The following COL5A1 variants were observed in gnomAD, a reference collection of about 807,000 sequenced individuals.
The protein encoded by COL5A1 is collagen type V alpha 1 chain.
A neutral mutation model predicts 263.7 loss-of-function variants in COL5A1; 16 were observed. The ratio of observed to expected loss-of-function variants is 0.06; its 90% CI spans 0.04 to 0.09. The LOEUF (loss-of-function observed/expected upper bound fraction) is 0.09. Among genes scored for constraint, COL5A1 ranks in the 10% least tolerant of loss-of-function variants. The probability of loss-of-function intolerance (pLI) is 1.00; values close to 1 mark genes in which losing one functional copy is unlikely to be tolerated. For synonymous variants in COL5A1, 1,012 were observed against 1,004.5 expected, an observed-to-expected ratio of 1.01 and a Z score of -0.14; for missense variants, 2,036 against 2,540.5, an observed-to-expected ratio of 0.80 and a Z score of 4.27.
Position 134,765,741 on chromosome 9 carries a change from C to T in COL5A1, c.2088+7C>T. On this transcript the variant is annotated splice_region_variant and intron_variant, in intron 21 of 65. Coordinates refer to ENST00000371817, the MANE Select transcript of COL5A1 (RefSeq NM_000093.5). The surrounding 1 kb of genome is among the most constrained non-coding windows in gnomAD (Gnocchi z 5.1). Reference sequence around the variant, plus strand: ...AGGTCCTCCCGGACCTCCCGTAAGTCCCATTACCGCCCTGCTTGTCTGCCC... The same window carrying T: ...AGGTCCTCCCGGACCTCCCGTAAGTTCCATTACCGCCCTGCTTGTCTGCCC... 6.2e-7 allele frequency: 1 copy of T among 1,611,708 alleles called. No individual in the cohort carries two copies. The highest frequency in any genetic ancestry group is 8.5e-7 in the Non-Finnish European group (1 of 1,178,500).
intron 11 of COL5A1, among the ~76,000 whole-genome samples, chr9:134,739,329 A>G (rs1835218929): frequency 6.6e-6 from 1 of 152,186 alleles, no homozygotes; most frequent in African/African-American, 2.4e-5. Context: ...GGGCGCTCCA[A>G]GTACTGCGGC....
At chr9:134,717,166 G>A (rs78936854) in intron 4 of COL5A1, among the ~76,000 whole-genome samples, 2,059 of 152,244 alleles carry the variant, frequency 0.014, 38 homozygotes, top group African/African-American at 0.043. Context: ...CGTGCGCAGC[G>A]CTAAGGACGT....
intron 11 of COL5A1, among the ~76,000 whole-genome samples, chr9:134,747,986 C>G (rs1014592973): frequency 6.6e-6 from 1 of 151,488 alleles, no homozygotes; most frequent in Non-Finnish European, 1.5e-5. Context: ...CACACACATG[C>G]ATTCACACAC....
intron 62 of COL5A1, among the ~76,000 whole-genome samples, chr9:134,825,494 T>G (rs1839228249): frequency 6.6e-6 from 1 of 152,170 alleles, no homozygotes; most frequent in African/African-American, 2.4e-5. Flanking sequence ...GAACCCTCTC[T>G]GCATTTCTGT....
chr9:134,754,308 C>A lies in COL5A1; in HGVS notation c.1809C>A (p.Ala603=). The A allele has an allele frequency of 6.2e-7, 1 of 1,614,066 alleles. No homozygotes were observed. Among genetic ancestry groups the A allele is most frequent in the South Asian group, 1.1e-5 (1 of 91,090 alleles). ...GTGTGCAAGGCCCGCCTGGTCCGGC[C>A]GGGAAGCCCGGAAGACGGGTGAGTG... ...PRGVQGPPGP[A]GKPGRRGRAG... The change falls in exon 16 of 66, where the codon GCC becomes GCA. Residue 603 remains alanine, a synonymous_variant. Coordinates refer to ENST00000371817, the MANE Select transcript of COL5A1 (RefSeq NM_000093.5). The surrounding 1 kb of genome is among the most constrained non-coding windows in gnomAD (Gnocchi z 4.3).
intron 20 of COL5A1, among the ~76,000 whole-genome samples, chr9:134,764,409 G>T (rs1836584117): frequency 1.7e-5 from 2 of 121,050 alleles, no homozygotes; most frequent in Admixed American, 1.6e-4. Context: ...GCATCCAGGG[G>T]CATTGTGGGG....
intron 63 of COL5A1, among the ~76,000 whole-genome samples, chr9:134,829,620 C>T (rs948128547): frequency 2.7e-5 from 4 of 150,644 alleles, no homozygotes; most frequent in East Asian, 2.0e-4. Context: ...CTCATCCTCA[C>T]GCGGCCTCCA....
intron 9 of COL5A1, chr9:134,732,543 A>T: frequency 3.2e-6 from 1 of 311,560 alleles, no homozygotes. Context: ...AATAGTTAAC[A>T]CGTGGTCGTA....
intron 39 of COL5A1, 32 bp from the exon 40 acceptor site, chr9:134,804,943 C>A: frequency 6.3e-7 from 1 of 1,591,172 alleles, no homozygotes; most frequent in Non-Finnish European, 8.6e-7. Flanking sequence ...GTCACTGGCT[C>A]CAGGAAAGCT....
At chr9:134,719,249 G>GCA (rs1834369572) in intron 4 of COL5A1, among the ~76,000 whole-genome samples, 1 of 151,798 alleles carries the variant, frequency 6.6e-6, no homozygotes, top group African/African-American at 2.4e-5. Flanking sequence ...ATAAAAGTGT[G>GCA]TGCATGCACC....
At chr9:134,776,551 G>GT (rs1837058051) in intron 27 of COL5A1, among the ~76,000 whole-genome samples, 1 of 152,212 alleles carries the variant, frequency 6.6e-6, no homozygotes, top group African/African-American at 2.4e-5. Flanking sequence ...AATGTGAGTG[G>GT]TGTCGGCGCC....
At chr9:134,730,804 C>G (rs1471383071) in intron 7 of COL5A1, among the ~76,000 whole-genome samples, 1 of 152,202 alleles carries the variant, frequency 6.6e-6, no homozygotes, top group African/African-American at 2.4e-5. Flanking sequence ...AGGGGGGTGG[C>G]TTGTGGACAG....
At position 134,642,192 on chromosome 9, in the gene COL5A1, A is replaced by G; in HGVS notation, c.5A>G (p.Asp2Gly). Residue 2 changes from aspartate (D) to glycine (G), a missense_variant, in exon 1 of 66, where the codon GAC (aspartate) becomes GGC (glycine). Around this residue, in one of 3 missense-constraint regions of COL5A1, gnomAD observed 600 missense variants for 634.5 expected, o/e 0.95. Transcript: ENST00000371817. The surrounding 1 kb of genome is among the most constrained non-coding windows in gnomAD (Gnocchi z 4.5). M[D>G]VHTRWKARSA... The stretch of plus-strand genomic sequence containing the variant: ...CCCGGCCCGCGCCCCGCCGGCATGG[A>G]CGTCCATACCCGCTGGAAAGCGCGC... 7.8e-7 allele frequency: 1 copy of G among 1,277,178 alleles called. No individual in the cohort carries two copies. 79.1% of individuals were successfully genotyped at this position (1,277,178 alleles called of 1,614,324 possible). A position where few individuals can be genotyped will look rare whatever the true frequency, so the allele number is the denominator to read the frequency against.
Position 134,820,139 on chromosome 9 carries a change from C to T in COL5A1, c.4470C>T (p.Leu1490=), listed in dbSNP as rs1213857867. Residue 1490 remains leucine, a synonymous_variant, in exon 58 of 66, where the codon CTC becomes CTT. Transcript: ENST00000371817. The part of the protein sequence containing the change: ...GEKGHPGLIG[L]IGPPGEQGEK... ...AGGGTCATCCAGGCCTGATCGGGCT[C>T]ATCGGTCCTCCGGGTGAACAGGGTG... The T allele has an allele frequency of 6.2e-7, 1 of 1,614,030 alleles. No individual in the cohort carries two copies. Among genetic ancestry groups the T allele is most frequent in the Admixed American group, 1.7e-5 (1 of 60,036 alleles).
intron 42 of COL5A1, among the ~76,000 whole-genome samples, chr9:134,806,995 T>A (rs1838318488): frequency 6.6e-6 from 1 of 152,138 alleles, no homozygotes; most frequent in African/African-American, 2.4e-5. Flanking sequence ...AAGAAGGAGA[T>A]GAGCGAGCGC....
chr9:134,686,181 G>A lies in COL5A1; in HGVS notation c.110-4731G>A, dbSNP rs1833074418. On this transcript the variant is annotated intron_variant, in intron 1 of 65. Transcript: ENST00000371817. This position sits in a 1 kb window ranked among gnomAD's most constrained non-coding sequence, Gnocchi z 4.6. The stretch of plus-strand genomic sequence containing the variant: ...GCCTTTTGTGGTGCATGACACCCAC[G>A]CAGAACTCAAACTTTCATTTCCAAA... Among the ~76,000 whole-genome samples, 2 of 152,262 alleles carry A rather than the reference G, an allele frequency of 1.3e-5. No homozygotes were observed. The highest frequency in any genetic ancestry group is 1.3e-4 in the Admixed American group (2 of 15,276).
intron 9 of COL5A1, among the ~76,000 whole-genome samples, chr9:134,735,323 C>T (rs954013814): frequency 6.6e-6 from 1 of 152,224 alleles, no homozygotes; most frequent in Non-Finnish European, 1.5e-5. Flanking sequence ...CACCCCATAG[C>T]TGCCTCTTTT....
At chr9:134,729,589 T>A (rs1834800932) in intron 6 of COL5A1, among the ~76,000 whole-genome samples, 1 of 71,152 alleles carries the variant, frequency 1.4e-5, no homozygotes, top group Non-Finnish European at 2.7e-5. Flanking sequence ...TGAGCGTGTG[T>A]GCATGCGGGC....
chr9:134,656,067 G>T (rs1042268692), intron 1 of COL5A1, among the ~76,000 whole-genome samples: 3 of 152,144 alleles, frequency 2.0e-5, no homozygotes, highest in African/African-American at 7.2e-5. Flanking sequence ...GCTCACCACC[G>T]GATGCCAGAG....
Sources: allele counts gnomAD v4.1 joint callset (sites outside exome capture counted in the v4.1 genomes callset), GRCh38; gene constraint gnomAD v4.1.1; regional missense constraint gnomAD v4.1.1; non-coding constraint Gnocchi (gnomAD v3.1); transcripts MANE v1.5; gene names NCBI Gene and HGNC (gene_info 2026-07-23, HGNC 2026-07-21).